NALF1: variants seen among roughly 807,000 people sequenced by gnomAD.
NALF1 encodes the protein NALCN channel auxiliary factor 1.
NALF1 carries 3 observed loss-of-function variants against 48.4 expected under a neutral mutation model. The ratio of observed to expected loss-of-function variants is 0.06; its 90% CI spans 0.03 to 0.16. NALF1 has a LOEUF of 0.16. Ranked by LOEUF, NALF1 falls within the 10% of genes least tolerant of loss-of-function variation. The pLI is 1.00. For synonymous variants in NALF1, 262 were observed against 245.7 expected, an observed-to-expected ratio of 1.07 and a Z score of -0.62; for missense variants, 526 against 571.5, an observed-to-expected ratio of 0.92 and a Z score of 0.81.
At chr13:107,432,092 T>G (rs1286720868) in intron 1 of NALF1, among the ~76,000 whole-genome samples, 1 of 152,162 alleles carries the variant, frequency 6.6e-6, no homozygotes, top group African/African-American at 2.4e-5. Flanking sequence ...GGAGGTGTCA[T>G]CTGCTTCTGG....
At chr13:107,680,722 A>C (rs1252879541) in intron 1 of NALF1, among the ~76,000 whole-genome samples, 3 of 134,588 alleles carry the variant, frequency 2.2e-5, no homozygotes, top group African/African-American at 8.1e-5. Context: ...GGGTGGTGTG[A>C]GAGTGTATGA....
intron 1 of NALF1, among the ~76,000 whole-genome samples, chr13:107,665,348 TAGACAAC>T (rs1418240082): frequency 1.3e-5 from 2 of 152,122 alleles, no homozygotes; most frequent in South Asian, 4.1e-4. Flanking sequence ...CATTAGACAA[TAGACAAC>T]AGAAGACTTA....
intron 1 of NALF1, among the ~76,000 whole-genome samples, chr13:107,214,108 T>C (rs1344501249): frequency 6.6e-6 from 1 of 152,172 alleles, no homozygotes; most frequent in African/African-American, 2.4e-5. Context: ...AGACTTTCAA[T>C]ACCTCTTGTC....
At chr13:107,519,123 A>T (rs1239637403) in intron 1 of NALF1, among the ~76,000 whole-genome samples, 1 of 23,978 alleles carries the variant, frequency 4.2e-5, no homozygotes, top group African/African-American at 6.5e-5. Flanking sequence ...CTAAGGAATG[A>T]CTTGTGATAT....
chr13:107,264,576 C>A (rs750227529), intron 1 of NALF1, among the ~76,000 whole-genome samples: 1 of 152,262 alleles, frequency 6.6e-6, no homozygotes, highest in Non-Finnish European at 1.5e-5. Context: ...AAAAAAGGAA[C>A]AAAGTGCCCT....
At chr13:107,221,579 CAAAAAATAAAAAGTA>C (rs1879994688) in intron 1 of NALF1, among the ~76,000 whole-genome samples, 1 of 151,498 alleles carries the variant, frequency 6.6e-6, no homozygotes, top group Non-Finnish European at 1.5e-5. Context: ...GACTCTGTCT[CAAAAAATAAAAAGTA>C]AAAAAATAAA....
At chr13:107,204,557 A>C (rs1339296477) in intron 2 of NALF1, among the ~76,000 whole-genome samples, 3 of 152,252 alleles carry the variant, frequency 2.0e-5, no homozygotes, top group African/African-American at 7.2e-5. Context: ...TTATGAATAT[A>C]GAATTCAGAA....
At chr13:107,286,586 C>CAAAAAAAAAA (rs1159508752) in intron 1 of NALF1, among the ~76,000 whole-genome samples, 1 of 102,112 alleles carries the variant, frequency 9.8e-6, no homozygotes, top group African/African-American at 3.8e-5. Flanking sequence ...GACCCTGTCT[C>CAAAAAAAAAA]AAAAAAAAAA....
intron 2 of NALF1, among the ~76,000 whole-genome samples, chr13:107,178,706 G>A (rs996405103): frequency 6.6e-6 from 1 of 152,168 alleles, no homozygotes; most frequent in African/African-American, 2.4e-5. Context: ...CACTTTGGCA[G>A]GCCAAGGCGG....
chr13:107,582,197 T>C (rs9559069), intron 1 of NALF1, among the ~76,000 whole-genome samples: 36,975 of 152,162 alleles, frequency 0.24, 5,161 homozygotes, highest in East Asian at 0.37. Context: ...TTAAAATAGA[T>C]TCATTTTTCA....
chr13:107,806,732 T>C (rs75541509), intron 1 of NALF1, among the ~76,000 whole-genome samples: 2 of 152,322 alleles, frequency 1.3e-5, no homozygotes, highest in Non-Finnish European at 2.9e-5. Flanking sequence ...GCATTTTATT[T>C]ACCAAATGTT....
At chr13:107,506,567 T>A (rs1250284405) in intron 1 of NALF1, among the ~76,000 whole-genome samples, 1 of 139,704 alleles carries the variant, frequency 7.2e-6, no homozygotes, top group East Asian at 2.1e-4. Flanking sequence ...CTACCCCAGC[T>A]CAAGGCAGCC....
At chr13:107,501,620 A>G (rs1477412957) in intron 1 of NALF1, among the ~76,000 whole-genome samples, 1 of 152,152 alleles carries the variant, frequency 6.6e-6, no homozygotes, top group Non-Finnish European at 1.5e-5. Context: ...TGCATTATTT[A>G]AGGTGTCACT....
At chr13:107,650,831 C>G (rs1880434372) in intron 1 of NALF1, among the ~76,000 whole-genome samples, 1 of 151,848 alleles carries the variant, frequency 6.6e-6, no homozygotes, top group South Asian at 2.1e-4. Flanking sequence ...GAACAGAAAA[C>G]CAAATATATC....
At chr13:107,584,474 ACAT>A (rs1555310564) in intron 1 of NALF1, among the ~76,000 whole-genome samples, 1 of 152,196 alleles carries the variant, frequency 6.6e-6, no homozygotes, top group Non-Finnish European at 1.5e-5. Context: ...CTGCAGTTTA[ACAT>A]CATAAATCAA....
intron 1 of NALF1, among the ~76,000 whole-genome samples, chr13:107,495,739 T>C (rs613818): frequency 0.99 from 150,224 of 152,264 alleles, 74,141 homozygotes; most frequent in East Asian, 1. Flanking sequence ...ATCATTGTTG[T>C]CAGCCATAGA....
At chr13:107,816,429 A>G (rs1202138382) in intron 1 of NALF1, among the ~76,000 whole-genome samples, 1 of 152,170 alleles carries the variant, frequency 6.6e-6, no homozygotes, top group African/African-American at 2.4e-5. Flanking sequence ...GAGGAATGAG[A>G]GAGAATGAGG....
chr13:107,691,702 T>A (rs1881572618), intron 1 of NALF1, among the ~76,000 whole-genome samples: 1 of 152,114 alleles, frequency 6.6e-6, no homozygotes, highest in South Asian at 2.1e-4. Context: ...ATTACACCAA[T>A]GTGAAAATGA....
intron 1 of NALF1, among the ~76,000 whole-genome samples, chr13:107,814,174 T>C (rs1321887489): frequency 6.6e-6 from 1 of 152,168 alleles, no homozygotes. Flanking sequence ...CTGATGTTTA[T>C]ATTAAAAGCC....
Sources: gnomAD v4.1 joint callset for allele counts (sites outside exome capture counted in the v4.1 genomes callset) on GRCh38, gnomAD v4.1.1 for gene constraint, MANE v1.5 for transcripts, NCBI Gene and HGNC (gene_info 2026-07-23, HGNC 2026-07-21) for gene names.